ESYT2: variants seen among roughly 807,000 people sequenced by gnomAD.
ESYT2 encodes extended synaptotagmin 2, also known as extended synaptotagmin-2.
In ESYT2, 54 loss-of-function variants were observed where a neutral mutation model predicts 107.2. The observed-to-expected ratio is 0.50, with a 90% CI of 0.40 to 0.63. ESYT2 has a LOEUF of 0.63. Ranked by LOEUF, ESYT2 falls within the 30% of genes least tolerant of loss-of-function variation. The pLI, the probability that ESYT2 is intolerant of heterozygous loss-of-function variation, is 0.00. For synonymous variants in ESYT2, 491 were observed against 434.1 expected (o/e 1.13, Z -1.63); for missense variants, 1,020 against 1,094.5 (o/e 0.93, Z 0.96).
intron 1 of ESYT2, among the ~76,000 whole-genome samples, chr7:158,811,027 G>A (rs190947880): frequency 1.6e-3 from 221 of 141,218 alleles, no homozygotes; most frequent in African/African-American, 5.5e-3. Context: ...AGGCGCAGTG[G>A]CTCAAGCCTG....
Position 158,802,588 on chromosome 7 carries a change from GCACTTTTAATTA to G in ESYT2, c.331-3528_331-3517del, listed in dbSNP as rs1478320150. Among the ~76,000 whole-genome samples the G allele has an allele frequency of 2.0e-5, 3 of 152,144 alleles. No homozygotes were observed. In the South Asian group the frequency reaches 6.2e-4, roughly 31 times the overall value. ...GAGCCACCACACCAGGCTGATATAA[GCACTTTTAATTA>G]CAAAAAAAAGTACAGCAGGCACTTG... is the stretch of plus-strand genomic sequence containing the variant. On this transcript the variant is annotated intron_variant, in intron 1 of 22. Coordinates refer to ENST00000275418, the MANE Select transcript of ESYT2 (RefSeq NM_001367773.1).
chr7:158,765,488 C>T (rs1838126542), intron 8 of ESYT2, among the ~76,000 whole-genome samples: 1 of 152,178 alleles, frequency 6.6e-6, no homozygotes. Flanking sequence ...GATCACAGCA[C>T]TTTGGAAGAC....
chr7:158,763,303 T>C (rs1838039130), intron 9 of ESYT2, 138 bp from the exon 10 acceptor site: 1 of 409,490 alleles, frequency 2.4e-6, no homozygotes, highest in Non-Finnish European at 4.0e-6. Context: ...TATTTATTTA[T>C]TTATTTCTGG....
At chr7:158,786,257 C>G (rs1202303714) in intron 6 of ESYT2, among the ~76,000 whole-genome samples, 2 of 152,172 alleles carry the variant, frequency 1.3e-5, no homozygotes, top group African/African-American at 4.8e-5. Flanking sequence ...TCGTTACATT[C>G]TGAAATGAAC....
chr7:158,781,749 AGT>A (rs1247478245), intron 6 of ESYT2, among the ~76,000 whole-genome samples: 21 of 152,098 alleles, frequency 1.4e-4, no homozygotes, highest in Admixed American at 2.6e-4. Context: ...GTGAGAACAA[AGT>A]GTGAGAGATG....
intron 1 of ESYT2, among the ~76,000 whole-genome samples, chr7:158,815,867 T>C (rs1281340614): frequency 1.3e-5 from 2 of 152,172 alleles, no homozygotes; most frequent in Non-Finnish European, 2.9e-5. Flanking sequence ...GATACACCCT[T>C]GTAAAATAAA....
At chr7:158,748,136 A>G in intron 16 of ESYT2, 58 bp downstream of exon 16, 1 of 1,524,274 alleles carries the variant, frequency 6.6e-7, no homozygotes, top group Non-Finnish European at 9.1e-7. Flanking sequence ...AGCAAATTGT[A>G]TACTTTAAAA....
chr7:158,741,437 T>C, intron 18 of ESYT2, 86 bp downstream of exon 18: 4 of 1,486,880 alleles, frequency 2.7e-6, no homozygotes, highest in Middle Eastern at 2.5e-4. Flanking sequence ...GGCCTCATGC[T>C]CTGCTGCGTT....
At chr7:158,792,891 C>T (rs578082246) in intron 4 of ESYT2, among the ~76,000 whole-genome samples, 3 of 151,482 alleles carry the variant, frequency 2.0e-5, no homozygotes, top group Non-Finnish European at 4.4e-5. Flanking sequence ...GCCTCAGCCT[C>T]CCGAGTAGCT....
chr7:158,828,769 G>A (rs1840532712), intron 1 of ESYT2, among the ~76,000 whole-genome samples: 1 of 151,978 alleles, frequency 6.6e-6, no homozygotes, highest in South Asian at 2.1e-4. Context: ...GCGGGGCTGG[G>A]GTCTGCACTC....
Position 158,742,733 on chromosome 7 carries a change from G to GT in ESYT2, c.1794+795dup, listed in dbSNP as rs199765630. 4.7e-3 allele frequency among the ~76,000 whole-genome samples: 710 copies of GT among 152,330 alleles called. 5 individuals are homozygous for GT. The highest frequency in any genetic ancestry group is 0.016 in the African/African-American group (677 of 41,590). The stretch of plus-strand genomic sequence containing the variant: ...ACTCCACTCACGTGACAGCTTAAAG[G>GT]TTTTTTCTGGTTTTAGGAAATAACG... On this transcript the variant is annotated intron_variant, in intron 17 of 22. Transcript: ENST00000275418.
intron 13 of ESYT2, among the ~76,000 whole-genome samples, chr7:158,758,041 A>G (rs842433): frequency 0.94 from 143,574 of 152,304 alleles, 67,727 homozygotes; most frequent in Middle Eastern, 0.96. Flanking sequence ...AAATTGTAAC[A>G]GGTAAAGTCA....
intron 8 of ESYT2, 71 bp from the exon 9 acceptor site, chr7:158,764,924 C>T (rs1838098196): frequency 1.4e-6 from 2 of 1,452,738 alleles, no homozygotes; most frequent in South Asian, 1.3e-5. Flanking sequence ...GATAGCTACG[C>T]ACCTAACCCC....
chr7:158,788,421 AC>A lies in ESYT2; in HGVS notation c.585-5del. The A allele has an allele frequency of 6.2e-7, 1 of 1,608,564 alleles. No homozygotes were observed. Among genetic ancestry groups the A allele is most frequent in the South Asian group, 1.1e-5 (1 of 89,514 alleles). On this transcript the variant is annotated splice_region_variant and splice_polypyrimidine_tract_variant and intron_variant, in intron 4 of 22. Transcript: ENST00000275418. ...AATCTCACAATTTCCTACAAAACTA[AC>A]AAAAAATTCTGCATTACATGATGTA...
intron 7 of ESYT2, among the ~76,000 whole-genome samples, chr7:158,770,670 A>G (rs1271532369): frequency 6.6e-6 from 1 of 151,856 alleles, no homozygotes; most frequent in African/African-American, 2.4e-5. Context: ...GCCTGCCACC[A>G]TGCCCGGCTA....
Position 158,799,056 on chromosome 7 carries a change from G to A in ESYT2, c.347C>T (p.Thr116Ile), listed in dbSNP as rs761759297. The change falls in exon 2 of 23, where the codon ACT becomes ATT. Residue 116 changes from threonine to isoleucine, a missense_variant. By Grantham distance (89) the Thr-to-Ile change is moderately conservative. Transcript: ENST00000275418. ...DLPAWVHFPD[T>I]ERAEWLNKTV... ...CTTATTTAGCCATTCTGCTCTTTCA[G>A]TGTCTGGAAAATGAACCTAGGAGGA... 1.2e-6 allele frequency: 2 copies of A among 1,613,524 alleles called. No individual in the cohort carries two copies. Among genetic ancestry groups the A allele is most frequent in the South Asian group, 1.1e-5 (1 of 91,046 alleles).
In ESYT2 at chr7:158,756,551, G is replaced by A. The variant is rs191227381; in HGVS notation, c.1419+2935C>T. The stretch of plus-strand genomic sequence containing the variant: ...ACGTGACCATCCCCCAAATGACTGA[G>A]AGTTGATTACACAGCAGGGTTTTCA... On this transcript the variant is annotated intron_variant, in intron 13 of 22. Coordinates refer to ENST00000275418, the MANE Select transcript of ESYT2 (RefSeq NM_001367773.1). Among the ~76,000 whole-genome samples, 429 of 152,250 alleles carry A rather than the reference G, an allele frequency of 2.8e-3. 3 individuals carry two copies. The highest frequency in any genetic ancestry group is 8.1e-4 in the Non-Finnish European group (55 of 68,022).
chr7:158,734,524 C>G (rs938489279), intron 21 of ESYT2, 53 bp from the exon 22 acceptor site: 1 of 1,537,198 alleles, frequency 6.5e-7, no homozygotes, highest in African/African-American at 1.4e-5. Context: ...GGCACTGGCT[C>G]CCGTCTGTAA....
chr7:158,759,632 T>A, intron 12 of ESYT2, 51 bp from the exon 13 acceptor site: 1 of 1,457,590 alleles, frequency 6.9e-7, no homozygotes, highest in Non-Finnish European at 9.5e-7. Context: ...CAGGATTAGA[T>A]ACTATTTCTA....
Sources: gnomAD v4.1 joint callset for allele counts (sites outside exome capture counted in the v4.1 genomes callset) on GRCh38, gnomAD v4.1.1 for gene constraint, MANE v1.5 for transcripts, NCBI Gene and HGNC (gene_info 2026-07-23, HGNC 2026-07-21) for gene names.